The following YTHDC2 variants were observed in gnomAD, a reference collection of about 807,000 sequenced individuals.
YTHDC2 encodes the protein YTH N6-methyladenosine RNA binding protein C2, also known as 3'-5' RNA helicase YTHDC2.
In YTHDC2, 45 loss-of-function variants were observed where a neutral mutation model predicts 174.9. The ratio of observed to expected loss-of-function variants is 0.26; its 90% CI spans 0.20 to 0.33. The LOEUF (loss-of-function observed/expected upper bound fraction) is 0.33. YTHDC2 is among the 10% of genes least tolerant of loss of function. The probability of loss-of-function intolerance (pLI) is 1.00; values close to 1 mark genes in which losing one functional copy is unlikely to be tolerated. For synonymous variants in YTHDC2, 657 were observed against 574.5 expected (o/e 1.14, Z -2.05); for missense variants, 1,650 against 1,723.7 (o/e 0.96, Z 0.76).
At chr5:113,526,234 C>G (rs1774228956) in intron 3 of YTHDC2, among the ~76,000 whole-genome samples, 1 of 151,744 alleles carries the variant, frequency 6.6e-6, no homozygotes. Context: ...TATAACAAGC[C>G]TAAAAATCAT....
intron 8 of YTHDC2, 38 bp downstream of exon 8, chr5:113,539,219 T>C: frequency 1.1e-6 from 1 of 915,332 alleles, no homozygotes; most frequent in Non-Finnish European, 1.6e-6. Flanking sequence ...AAGAAATTAC[T>C]ATTGATAATG....
At chr5:113,515,882 G>A (rs992789184) in intron 2 of YTHDC2, among the ~76,000 whole-genome samples, 1 of 152,186 alleles carries the variant, frequency 6.6e-6, no homozygotes, top group African/African-American at 2.4e-5. Context: ...CTTTTAGCAA[G>A]GTTGGTTATG....
intron 4 of YTHDC2, among the ~76,000 whole-genome samples, chr5:113,531,739 A>G (rs1262739563): frequency 2.0e-5 from 3 of 152,254 alleles, no homozygotes; most frequent in South Asian, 2.1e-4. Context: ...GTATGAAAAG[A>G]TGTTTTCTTT....
intron 21 of YTHDC2, 84 bp downstream of exon 21, chr5:113,566,103 G>T: frequency 7.4e-7 from 1 of 1,352,296 alleles, no homozygotes; most frequent in Non-Finnish European, 9.9e-7. Flanking sequence ...GTTAACTGAT[G>T]CCATCTATTA....
chr5:113,521,726 G>A (rs1279044402), intron 2 of YTHDC2, among the ~76,000 whole-genome samples: 4 of 136,370 alleles, frequency 2.9e-5, no homozygotes, highest in Non-Finnish European at 6.1e-5. Context: ...GCAAGACTCT[G>A]TCTCAAAAAA....
At position 113,579,684 on chromosome 5, in the gene YTHDC2, C is replaced by T. The variant is rs1362645251; in HGVS notation, c.3343C>T (p.Leu1115=). ...LKLDEWLHFT[L]EPEAASLLLQ... ...ACTTGATGAGTGGCTCCATTTCACA[C>T]TGGAGCCAGAGGTAAGTTGCTTTCA... Residue 1115 remains leucine, a synonymous_variant, in exon 24 of 30, where the codon CTG becomes TTG. Coordinates refer to ENST00000161863, the MANE Select transcript of YTHDC2 (RefSeq NM_022828.5). 3.7e-6 allele frequency: 6 copies of T among 1,605,294 alleles called. No homozygotes were observed. Among genetic ancestry groups the T allele is most frequent in the Non-Finnish European group, 5.1e-6 (6 of 1,175,514 alleles).
At chr5:113,526,530 A>G (rs1774248776) in intron 3 of YTHDC2, 56 bp from the exon 4 acceptor site, 1 of 1,418,504 alleles carries the variant, frequency 7.0e-7, no homozygotes, top group Non-Finnish European at 9.4e-7. Flanking sequence ...CTTATTTTTA[A>G]CACTTCTTTT....
At chr5:113,563,525 A>T (rs1777141696) in intron 19 of YTHDC2, 33 bp downstream of exon 19, 1 of 1,545,684 alleles carries the variant, frequency 6.5e-7, no homozygotes, top group East Asian at 2.3e-5. Flanking sequence ...TTTACATGAC[A>T]TTTTTACTTG....
intron 4 of YTHDC2, among the ~76,000 whole-genome samples, chr5:113,529,329 T>C (rs911297876): frequency 6.6e-6 from 1 of 152,200 alleles, no homozygotes; most frequent in Non-Finnish European, 1.5e-5. Flanking sequence ...TCTCTTATAT[T>C]GTACTTACTT....
chr5:113,561,990 G>C (rs1777021241), intron 18 of YTHDC2, among the ~76,000 whole-genome samples: 1 of 135,790 alleles, frequency 7.4e-6, no homozygotes, highest in Non-Finnish European at 1.7e-5. Flanking sequence ...GTGTGTGTGT[G>C]TGTGTGTGTT....
chr5:113,561,225 G>A (rs1776942284), intron 18 of YTHDC2, 40 bp downstream of exon 18: 1 of 1,490,654 alleles, frequency 6.7e-7, no homozygotes, highest in South Asian at 1.2e-5. Context: ...TTTTTTGGGT[G>A]AGGGAAGTGA....
At chr5:113,516,845 A>G (rs982949142) in intron 2 of YTHDC2, among the ~76,000 whole-genome samples, 3 of 152,218 alleles carry the variant, frequency 2.0e-5, no homozygotes, top group African/African-American at 7.2e-5. Context: ...ATGACTGCCT[A>G]CTACAGTGAT....
At chr5:113,519,706 A>G (rs1773729606) in intron 2 of YTHDC2, among the ~76,000 whole-genome samples, 1 of 152,178 alleles carries the variant, frequency 6.6e-6, no homozygotes, top group African/African-American at 2.4e-5. Flanking sequence ...GCAGGAGCAA[A>G]CATTTACTAA....
In YTHDC2 at chr5:113,514,198, G is replaced by A. The variant is rs1773232119; in HGVS notation, c.187+116G>A. The stretch of plus-strand genomic sequence containing the variant: ...GCCTCCGAAGAGGGAGGGAAGACCC[G>A]GGCCACCGTCCGGGGCGGGCCTCAG... On this transcript the variant is annotated intron_variant, in intron 1 of 29. Transcript: ENST00000161863. 2.2e-6 allele frequency: 3 copies of A among 1,344,980 alleles called. No homozygotes were observed. In the East Asian group the frequency reaches 7.5e-5, roughly 34 times the overall value. 83.3% of individuals were successfully genotyped at this position (1,344,980 alleles called of 1,614,324 possible).
rs1226367801 is a variant in YTHDC2, at chr5:113,584,462, C to T, written c.3808C>T (p.Pro1270Ser). The change falls in exon 26 of 30, where the codon CCT (proline) becomes TCT (serine). Residue 1270 changes from proline to serine, a missense_variant. Physicochemically the swap from Pro to Ser is moderately conservative, Grantham distance 74 (BLOSUM62 -1). Coordinates refer to ENST00000161863, the MANE Select transcript of YTHDC2 (RefSeq NM_022828.5). ...CCCAAGTCCTTGTGCTAGTCCTTCT[C>T]CTCCATCCTCAGGAAAGGTAAGAGT... The part of the protein sequence containing the change: ...SYPSPCASPS[P>S]PSSGKGSKSP... The T allele has an allele frequency of 1.1e-5, 17 of 1,611,326 alleles. No homozygotes were observed. The highest frequency in any genetic ancestry group is 1.7e-4 in the Middle Eastern group (1 of 6,052).
chr5:113,514,221 C>T (rs1043597479), intron 1 of YTHDC2, 139 bp downstream of exon 1: 49 of 1,101,776 alleles, frequency 4.4e-5, no homozygotes, highest in Non-Finnish European at 5.9e-5. Context: ...GGGCGGGCCT[C>T]AGCGGCGGCA....
chr5:113,564,059 A>G lies in YTHDC2; in HGVS notation c.2643A>G (p.Ala881=). ...CTACTCAGGCCTCTCAAAAACGTGC[A>G]GCTATGCTTTGTAGGAAACGTTTTA... ...VLPTQASQKR[A]AMLCRKRFTA... Residue 881 remains alanine (A), a synonymous_variant, in exon 20 of 30, where the codon GCA becomes GCG. Transcript: ENST00000161863. 1 of 1,614,186 alleles carries G rather than the reference A, an allele frequency of 6.2e-7. No homozygotes were observed. Among genetic ancestry groups the G allele is most frequent in the Non-Finnish European group, 8.5e-7 (1 of 1,180,024 alleles).
intron 7 of YTHDC2, among the ~76,000 whole-genome samples, chr5:113,538,635 T>C (rs1226093833): frequency 6.6e-6 from 1 of 151,080 alleles, no homozygotes; most frequent in Non-Finnish European, 1.5e-5. Context: ...GGATACTTTC[T>C]TGATGTTGTC....
At chr5:113,541,755 A>G (rs907593671) in intron 9 of YTHDC2, among the ~76,000 whole-genome samples, 1 of 152,164 alleles carries the variant, frequency 6.6e-6, no homozygotes, top group Non-Finnish European at 1.5e-5. Context: ...GTTATTTAAC[A>G]TCTTTATAGA....
Sources: gnomAD v4.1 joint callset for allele counts (sites outside exome capture counted in the v4.1 genomes callset) on GRCh38, gnomAD v4.1.1 for gene constraint, MANE v1.5 for transcripts, NCBI Gene and HGNC (gene_info 2026-07-23, HGNC 2026-07-21) for gene names.